Variants in RASSF3 observed in about 807,000 individuals in gnomAD.
The protein encoded by RASSF3 is Ras association domain family member 3.
A neutral mutation model predicts 19.9 loss-of-function variants in RASSF3; 19 were observed. The ratio of observed to expected loss-of-function variants is 0.96; its 90% confidence interval spans 0.67 to 1.40. RASSF3 has a LOEUF of 1.40. RASSF3 is among the 40% of genes most tolerant of loss of function. The pLI is 0.00. For missense variants in RASSF3, 306 were observed against 289.8 expected (o/e 1.06, Z -0.41); for synonymous variants, 110 against 104.2 (o/e 1.06, Z -0.34).
At chr12:64,654,746 T>C (rs1872096972) in intron 1 of RASSF3, 1 of 151,198 alleles carries the variant, frequency 6.6e-6, no homozygotes. Flanking sequence ...ACACCTGTAA[T>C]CCCAGCTACT....
chr12:64,614,888 G>T (rs1019361193), intron 1 of RASSF3, among the ~76,000 whole-genome samples: 2 of 151,320 alleles, frequency 1.3e-5, no homozygotes, highest in African/African-American at 4.9e-5. Flanking sequence ...TAGTCTAGAT[G>T]GGGTTTTGCC....
At chr12:64,598,885 C>T (rs1870040354) in intron 2 of RASSF3, among the ~76,000 whole-genome samples, 1 of 107,418 alleles carries the variant, frequency 9.3e-6, no homozygotes, top group African/African-American at 3.6e-5. Context: ...CTATCCCTCC[C>T]CCCTCCCCCC....
intron 1 of RASSF3, among the ~76,000 whole-genome samples, chr12:64,511,755 G>A (rs539975931): frequency 7.9e-5 from 12 of 151,914 alleles, no homozygotes; most frequent in South Asian, 2.1e-4. Context: ...AAAGCCTATC[G>A]TATTAATTTA....
At chr12:64,675,539 G>A (rs1872866515) in intron 1 of RASSF3, among the ~76,000 whole-genome samples, 1 of 152,176 alleles carries the variant, frequency 6.6e-6, no homozygotes, top group African/African-American at 2.4e-5. Flanking sequence ...AGGAAGAACA[G>A]GAGGGCCTTT....
At chr12:64,540,037 G>A (rs1241296004) in intron 1 of RASSF3, among the ~76,000 whole-genome samples, 1 of 152,072 alleles carries the variant, frequency 6.6e-6, no homozygotes, top group Non-Finnish European at 1.5e-5. Context: ...TCAGAGAACT[G>A]AGTTCAGATT....
In RASSF3 at chr12:64,696,995, A is replaced by G. The variant is rs538785621; in HGVS notation, c.*2083A>G. 3 of 151,500 alleles carry G rather than the reference A, an allele frequency of 2.0e-5. No individual in the cohort carries two copies. Among genetic ancestry groups the G allele is most frequent in the Non-Finnish European group, 2.9e-5 (2 of 67,926 alleles). The allele number at this position is 151,500 out of a possible 1,614,324, so 9.4% of individuals were successfully genotyped here. A position where few individuals can be genotyped will look rare whatever the true frequency, so the allele number is the denominator to read the frequency against. The stretch of plus-strand genomic sequence containing the variant: ...CATCCCAGTAAACTTATATTTTGTG[A>G]AGCATTTGTTTCTCAGATTAAGACA... On this transcript the variant is annotated 3_prime_UTR_variant, in exon 5 of 5. Transcript: ENST00000542104.
chr12:64,679,653 C>T lies in RASSF3; in HGVS notation c.112-5134C>T, dbSNP rs146547403. On this transcript the variant is annotated intron_variant, in intron 1 of 4. Coordinates refer to ENST00000542104, the MANE Select transcript of RASSF3 (RefSeq NM_178169.4). ...AAAGTTCGCTACTGAAAAACAGTGACGTAACCCCACCCAGGAACTGAAGTG... is the reference window on the plus strand; with the variant it reads ...AAAGTTCGCTACTGAAAAACAGTGATGTAACCCCACCCAGGAACTGAAGTG... Among the ~76,000 whole-genome samples, 6 of 152,182 alleles carry T rather than the reference C, an allele frequency of 3.9e-5. No homozygotes were observed. The East Asian group carries it at 5.8e-4, about 15-fold the overall frequency.
chr12:64,684,013 A>AGTGAGTGTGTGTGT (rs1873238078), intron 1 of RASSF3, among the ~76,000 whole-genome samples: 1 of 138,400 alleles, frequency 7.2e-6, no homozygotes, highest in African/African-American at 2.7e-5. Context: ...AGAGAGAGTG[A>AGTGAGTGTGTGTGT]GTGTGTGTGT....
chr12:64,560,316 C>T (rs891578855), intron 2 of RASSF3, among the ~76,000 whole-genome samples: 3 of 152,182 alleles, frequency 2.0e-5, no homozygotes, highest in African/African-American at 7.2e-5. Context: ...GCAGTTCTTC[C>T]ACTGCAGGAG....
At chr12:64,573,590 G>A (rs984643953) in intron 2 of RASSF3, among the ~76,000 whole-genome samples, 4 of 152,220 alleles carry the variant, frequency 2.6e-5, no homozygotes, top group Middle Eastern at 6.8e-3. Flanking sequence ...CTTGACTAGG[G>A]AAGGATCCAC....
intron 2 of RASSF3, among the ~76,000 whole-genome samples, chr12:64,586,750 C>A (rs527242960): frequency 6.6e-6 from 1 of 151,778 alleles, no homozygotes; most frequent in East Asian, 2.0e-4. Flanking sequence ...TGGTGAAACC[C>A]CTTCCCTACT....
intron 2 of RASSF3, among the ~76,000 whole-genome samples, chr12:64,600,182 G>A (rs1304632937): frequency 6.6e-6 from 1 of 151,974 alleles, no homozygotes; most frequent in Admixed American, 6.6e-5. Flanking sequence ...CAACTAGCCA[G>A]GCACAGTGGC....
chr12:64,511,591 C>A (rs1441705484), intron 1 of RASSF3, among the ~76,000 whole-genome samples: 2 of 152,188 alleles, frequency 1.3e-5, no homozygotes, highest in African/African-American at 4.8e-5. Flanking sequence ...TCTGTGTAAC[C>A]TGCTCCAGGG....
chr12:64,650,831 A>T (rs1254063576), intron 1 of RASSF3, among the ~76,000 whole-genome samples: 1 of 152,184 alleles, frequency 6.6e-6, no homozygotes, highest in African/African-American at 2.4e-5. Context: ...TGAATCTTAC[A>T]CATTTTTGCC....
intron 1 of RASSF3, chr12:64,654,865 A>G (rs974790314): frequency 1.3e-5 from 2 of 151,794 alleles, no homozygotes; most frequent in African/African-American, 4.9e-5. Flanking sequence ...GACTCTGTCA[A>G]AATAAAATAA....
chr12:64,667,196 T>G (rs1270437), intron 1 of RASSF3, among the ~76,000 whole-genome samples: 43,429 of 152,056 alleles, frequency 0.29, 6,738 homozygotes, highest in Non-Finnish European at 0.36. Flanking sequence ...ATCTGTACTT[T>G]CAAAAATATG....
chr12:64,660,842 G>A (rs780836797), intron 1 of RASSF3, among the ~76,000 whole-genome samples: 43 of 152,114 alleles, frequency 2.8e-4, no homozygotes, highest in Admixed American at 6.5e-4. Flanking sequence ...GCCTCCTCTT[G>A]TGATCCCTTG....
At chr12:64,684,653 A>G (rs888303966) in intron 1 of RASSF3, 134 bp from the exon 2 acceptor site, 3 of 598,042 alleles carry the variant, frequency 5.0e-6, no homozygotes, top group Admixed American at 5.6e-5. Context: ...GTGGTATTGA[A>G]CTCCCAACCT....
Position 64,641,419 on chromosome 12 carries a change from C to CACACACACACACACACACAT in RASSF3, c.111+30676_111+30677insACACACACACACACACACAT, listed in dbSNP as rs769330728. ...TCACAGGCGCACACACACACACGCG[C>CACACACACACACACACACAT]GCGCGCGCGTTGAAAACAAATGAGA... On this transcript the variant is annotated intron_variant, in intron 1 of 4. Coordinates refer to ENST00000542104, the MANE Select transcript of RASSF3 (RefSeq NM_178169.4). Among the ~76,000 whole-genome samples the CACACACACACACACACACAT allele has an allele frequency of 9.4e-3, 1,411 of 150,758 alleles. 14 individuals carry two copies. The highest frequency in any genetic ancestry group is 0.022 in the South Asian group (106 of 4,780).
Sources: allele counts gnomAD v4.1 joint callset (sites outside exome capture counted in the v4.1 genomes callset), GRCh38; gene constraint gnomAD v4.1.1; transcripts MANE v1.5; gene names NCBI Gene and HGNC (gene_info 2026-07-23, HGNC 2026-07-21).